GRAMD1B: variants seen among roughly 807,000 people sequenced by gnomAD.
The protein encoded by GRAMD1B is protein Aster-B.
In GRAMD1B, 37 loss-of-function variants were observed where a neutral mutation model predicts 99.7. The ratio of observed to expected loss-of-function variants is 0.37; its 90% CI spans 0.29 to 0.49. The LOEUF is 0.49. GRAMD1B is among the 20% of genes least tolerant of loss of function. The probability of loss-of-function intolerance (pLI) is 0.98; values close to 1 mark genes in which losing one functional copy is unlikely to be tolerated. For synonymous variants in GRAMD1B, 427 were observed against 387.6 expected (o/e 1.10, Z -1.19); for missense variants, 888 against 1,009.2 (o/e 0.88, Z 1.63).
chr11:123,609,198 G>A (rs558379604), intron 12 of GRAMD1B, among the ~76,000 whole-genome samples: 2 of 152,242 alleles, frequency 1.3e-5, no homozygotes, highest in Admixed American at 6.5e-5. Context: ...TGTGGACACC[G>A]ATGAGGCTGC....
intron 1 of GRAMD1B, among the ~76,000 whole-genome samples, chr11:123,367,068 T>G (rs773757371): frequency 6.6e-6 from 1 of 152,132 alleles, no homozygotes; most frequent in African/African-American, 2.4e-5. Context: ...CCAGGCATGA[T>G]GGCATGCGTC....
intron 15 of GRAMD1B, 111 bp downstream of exon 15, chr11:123,612,975 T>C (rs996693410): frequency 2.5e-4 from 165 of 668,622 alleles, no homozygotes; most frequent in Non-Finnish European, 4.0e-4. Flanking sequence ...GACTGAAAGG[T>C]GAAGTAGTTT....
chr11:123,396,640 G>C (rs542244141), intron 1 of GRAMD1B, among the ~76,000 whole-genome samples: 1 of 152,156 alleles, frequency 6.6e-6, no homozygotes, highest in Non-Finnish European at 1.5e-5. Context: ...CTGCTCTGCT[G>C]CCTCTCCCAC....
intron 2 of GRAMD1B, among the ~76,000 whole-genome samples, chr11:123,521,235 T>G (rs1352211578): frequency 6.6e-6 from 1 of 152,246 alleles, no homozygotes; most frequent in Non-Finnish European, 1.5e-5. Context: ...TTAATTTTTG[T>G]CAATGGGATG....
intron 1 of GRAMD1B, among the ~76,000 whole-genome samples, chr11:123,398,070 A>G (rs1426532822): frequency 6.6e-6 from 1 of 152,176 alleles, no homozygotes; most frequent in Non-Finnish European, 1.5e-5. Context: ...TTGCATAGAC[A>G]TGAATTTGTT....
At chr11:123,457,990 A>G (rs1390603595) in intron 1 of GRAMD1B, among the ~76,000 whole-genome samples, 4 of 152,238 alleles carry the variant, frequency 2.6e-5, no homozygotes, top group Non-Finnish European at 2.9e-5. Context: ...TGTTGGGATT[A>G]CAGGCGTAAG....
intron 2 of GRAMD1B, among the ~76,000 whole-genome samples, chr11:123,512,703 CTTTTTTTT>C (rs766565214): frequency 2.9e-5 from 3 of 103,010 alleles, no homozygotes; most frequent in African/African-American, 7.7e-5. Context: ...CATTGTGAAT[CTTTTTTTT>C]TTTTTTTTTT....
chr11:123,609,114 C>T (rs1004277720), intron 12 of GRAMD1B, among the ~76,000 whole-genome samples: 1 of 152,134 alleles, frequency 6.6e-6, no homozygotes, highest in African/African-American at 2.4e-5. Context: ...CACAGTGGCT[C>T]TCACTCGCTG....
At chr11:123,508,146 TA>T (rs1485489867) in intron 2 of GRAMD1B, among the ~76,000 whole-genome samples, 1 of 152,168 alleles carries the variant, frequency 6.6e-6, no homozygotes, top group Non-Finnish European at 1.5e-5. Flanking sequence ...GAGTAATTGA[TA>T]AAGAACTGAA....
intron 8 of GRAMD1B, 145 bp from the exon 9 acceptor site, chr11:123,603,281 A>T: frequency 1.6e-6 from 1 of 625,382 alleles, no homozygotes; most frequent in Non-Finnish European, 2.9e-6. Flanking sequence ...CCCAAGGCAG[A>T]TGGGGGTGGT....
chr11:123,368,679 C>CAAAAAAAAAAAAAAAAAAA (rs58877377), intron 1 of GRAMD1B, among the ~76,000 whole-genome samples: 1 of 78,056 alleles, frequency 1.3e-5, no homozygotes, highest in Non-Finnish European at 2.2e-5. Flanking sequence ...GACTCTGTCT[C>CAAAAAAAAAAAAAAAAAAA]AAAAAAAAAA....
At chr11:123,474,308 CT>C (rs1452601623) in intron 1 of GRAMD1B, among the ~76,000 whole-genome samples, 1 of 152,110 alleles carries the variant, frequency 6.6e-6, no homozygotes, top group Non-Finnish European at 1.5e-5. Flanking sequence ...GAACTGCAGT[CT>C]TTTAAGGCAT....
intron 7 of GRAMD1B, among the ~76,000 whole-genome samples, chr11:123,597,276 T>A (rs1226779767): frequency 7.7e-6 from 1 of 129,150 alleles, no homozygotes; most frequent in Non-Finnish European, 1.7e-5. Context: ...TTTTTTTTTT[T>A]TTTTTTTTTT....
At chr11:123,593,895 A>G (rs951772534) in intron 4 of GRAMD1B, among the ~76,000 whole-genome samples, 187 bp from the exon 5 acceptor site, 12 of 152,132 alleles carry the variant, frequency 7.9e-5, no homozygotes, top group Admixed American at 7.2e-4. Flanking sequence ...TCCCAGCACC[A>G]GATTCTCCCC....
chr11:123,422,978 A>G (rs960003836), intron 1 of GRAMD1B, among the ~76,000 whole-genome samples: 3 of 152,162 alleles, frequency 2.0e-5, no homozygotes, highest in Admixed American at 1.3e-4. Flanking sequence ...CTGAGGCCAG[A>G]GTCATCTTTG....
At chr11:123,583,699 C>T (rs4936833) in intron 3 of GRAMD1B, among the ~76,000 whole-genome samples, 114,428 of 151,924 alleles carry the variant, frequency 0.75, 44,181 homozygotes, top group East Asian at 0.9. Flanking sequence ...ATTATGGCAC[C>T]ACTGGGTTGG....
intron 17 of GRAMD1B, among the ~76,000 whole-genome samples, chr11:123,617,621 G>C (rs1301912367): frequency 6.6e-6 from 1 of 152,092 alleles, no homozygotes; most frequent in African/African-American, 2.4e-5. Flanking sequence ...TTCATCTACA[G>C]AACAACCCCA....
chr11:123,448,256 T>G (rs1191320872), intron 1 of GRAMD1B, among the ~76,000 whole-genome samples: 1 of 147,556 alleles, frequency 6.8e-6, no homozygotes, highest in Non-Finnish European at 1.5e-5. Flanking sequence ...TGTACTATTT[T>G]TTTATTATTT....
Position 123,560,065 on chromosome 11 carries a change from ACCC to A in GRAMD1B, c.453-17293_453-17291del, listed in dbSNP as rs5795378. Reference sequence around the variant, plus strand: ...TCGGATTGAGGGTGAAGAGGAAATAACCCCCCCCCCCGCAGCCCCAGCGGCTCT... The same window carrying A: ...TCGGATTGAGGGTGAAGAGGAAATAACCCCCCCCGCAGCCCCAGCGGCTCT... On this transcript the variant is annotated intron_variant, in intron 2 of 19. Coordinates refer to ENST00000635736, the MANE Select transcript of GRAMD1B (RefSeq NM_001387025.1). 6.6e-3 allele frequency among the ~76,000 whole-genome samples: 884 copies of A among 133,568 alleles called. 8 individuals carry two copies. Among genetic ancestry groups the A allele is most frequent in the African/African-American group, 0.023 (838 of 35,784 alleles). 87.6% of individuals were successfully genotyped at this position (133,568 alleles called of 152,430 possible).
Sources: gnomAD v4.1 joint callset for allele counts (sites outside exome capture counted in the v4.1 genomes callset) on GRCh38, gnomAD v4.1.1 for gene constraint, MANE v1.5 for transcripts, NCBI Gene and HGNC (gene_info 2026-07-23, HGNC 2026-07-21) for gene names.